DOCK3: variants seen among roughly 807,000 people sequenced by gnomAD.
DOCK3 encodes dedicator of cytokinesis protein 3.
Under a neutral mutation model 265.6 loss-of-function variants are expected in DOCK3, and 60 were observed. The observed-to-expected ratio is 0.23, with a 90% CI of 0.18 to 0.28. The LOEUF is 0.28. DOCK3 is among the 10% of genes least tolerant of loss of function. The pLI is 1.00. For missense variants in DOCK3, 1,981 were observed against 2,594.3 expected (o/e 0.76, Z 5.14); for synonymous variants, 881 against 938.0 (o/e 0.94, Z 1.11).
At chr3:51,178,016 A>G (rs920374756) in intron 12 of DOCK3, among the ~76,000 whole-genome samples, 3 of 111,758 alleles carry the variant, frequency 2.7e-5, no homozygotes, top group Non-Finnish European at 5.2e-5. Flanking sequence ...AACAAAAAAA[A>G]ACTCAAAATA....
At chr3:51,137,976 CT>C (rs1338718695) in intron 9 of DOCK3, among the ~76,000 whole-genome samples, 1 of 152,202 alleles carries the variant, frequency 6.6e-6, no homozygotes, top group African/African-American at 2.4e-5. Context: ...AATACGAGTA[CT>C]TGCTCTTGCT....
chr3:51,330,435 G>A (rs1171642136), intron 33 of DOCK3, among the ~76,000 whole-genome samples: 2 of 152,156 alleles, frequency 1.3e-5, no homozygotes, highest in African/African-American at 2.4e-5. Context: ...ATAGAAAACA[G>A]GTAATCTCTG....
At chr3:50,874,418 A>G (rs1166756136) in intron 3 of DOCK3, among the ~76,000 whole-genome samples, 1 of 151,722 alleles carries the variant, frequency 6.6e-6, no homozygotes, top group Non-Finnish European at 1.5e-5. Context: ...AAGCAGGAGG[A>G]TCCCTTGAGC....
intron 2 of DOCK3, among the ~76,000 whole-genome samples, chr3:50,805,489 T>C (rs1486760933): frequency 6.6e-6 from 1 of 152,124 alleles, no homozygotes; most frequent in Admixed American, 6.5e-5. Flanking sequence ...GGACATACCT[T>C]CCAGGAATGG....
intron 3 of DOCK3, among the ~76,000 whole-genome samples, chr3:50,872,297 G>A (rs1354350105): frequency 1.3e-5 from 2 of 152,192 alleles, no homozygotes; most frequent in Non-Finnish European, 2.9e-5. Flanking sequence ...ACTTGTAGAG[G>A]GACCACCTTG....
At chr3:51,001,636 GAT>G (rs2078487874) in intron 5 of DOCK3, among the ~76,000 whole-genome samples, 2 of 152,158 alleles carry the variant, frequency 1.3e-5, no homozygotes, top group African/African-American at 4.8e-5. Flanking sequence ...GTATTATGTA[GAT>G]ATATCTTTTT....
At chr3:51,020,637 A>G (rs1306486184) in intron 5 of DOCK3, among the ~76,000 whole-genome samples, 2 of 151,802 alleles carry the variant, frequency 1.3e-5, no homozygotes, top group Non-Finnish European at 2.9e-5. Context: ...ACCTTGCGTT[A>G]ATTTTTGTAT....
In DOCK3 at chr3:51,153,750, T is replaced by C. The variant is rs1560134555; in HGVS notation, c.829-5494T>C. Among the ~76,000 whole-genome samples the C allele has an allele frequency of 3.3e-5, 5 of 152,234 alleles. No individual in the cohort carries two copies. In the South Asian group the frequency reaches 6.2e-4, roughly 19 times the overall value. ...TAGAAAAGGTTTGGAAATCTGCTGATTGGAAAATACCAAACCTCACAATCC... is the reference window on the plus strand; with the variant it reads ...TAGAAAAGGTTTGGAAATCTGCTGACTGGAAAATACCAAACCTCACAATCC... On this transcript the variant is annotated intron_variant, in intron 10 of 52. Transcript: ENST00000266037.
intron 5 of DOCK3, among the ~76,000 whole-genome samples, chr3:51,016,618 T>C (rs1180388069): frequency 1.8e-5 from 1 of 54,390 alleles, no homozygotes; most frequent in Non-Finnish European, 3.1e-5. Flanking sequence ...ATTATATATT[T>C]ATATATATAA....
At chr3:50,955,500 G>A (rs1336664472) in intron 5 of DOCK3, among the ~76,000 whole-genome samples, 1 of 152,174 alleles carries the variant, frequency 6.6e-6, no homozygotes, top group East Asian at 1.9e-4. Context: ...ATACTATACA[G>A]CCATAAAAAA....
At chr3:51,093,739 T>C (rs60774727) in intron 9 of DOCK3, among the ~76,000 whole-genome samples, 1 of 152,192 alleles carries the variant, frequency 6.6e-6, no homozygotes, top group Non-Finnish European at 1.5e-5. Flanking sequence ...CATCCTTGTC[T>C]TGTGCCAGTT....
chr3:51,162,050 A>G (rs1230157502), intron 12 of DOCK3, among the ~76,000 whole-genome samples: 1 of 152,262 alleles, frequency 6.6e-6, no homozygotes, highest in Non-Finnish European at 1.5e-5. Context: ...TAGTGCTAAA[A>G]AAATGATCAG....
intron 21 of DOCK3, among the ~76,000 whole-genome samples, chr3:51,238,867 C>T (rs2078465799): frequency 6.6e-6 from 1 of 152,182 alleles, no homozygotes; most frequent in Admixed American, 6.5e-5. Flanking sequence ...CATTGATAGG[C>T]ATTTAGCTTG....
chr3:50,782,965 A>AT (rs34337890), intron 2 of DOCK3, among the ~76,000 whole-genome samples: 108 of 133,240 alleles, frequency 8.1e-4, no homozygotes, highest in East Asian at 2.0e-3. Context: ...GAATGCCATG[A>AT]TTTTTTTTTT....
intron 1 of DOCK3, among the ~76,000 whole-genome samples, chr3:50,744,181 A>G (rs2675802): frequency 0.91 from 137,784 of 152,200 alleles, 62,527 homozygotes; most frequent in African/African-American, 0.95. Flanking sequence ...ATATGAAAAC[A>G]TTATAAGACA....
intron 5 of DOCK3, among the ~76,000 whole-genome samples, chr3:50,951,023 GCTC>G (rs1006157321): frequency 1.8e-4 from 27 of 151,938 alleles, no homozygotes; most frequent in Non-Finnish European, 3.8e-4. Flanking sequence ...GCTTTTGAAA[GCTC>G]CTATTTCTTT....
chr3:50,921,006 A>G (rs2050424049), intron 4 of DOCK3, among the ~76,000 whole-genome samples: 1 of 152,106 alleles, frequency 6.6e-6, no homozygotes, highest in Non-Finnish European at 1.5e-5. Context: ...TTTGTTATGT[A>G]CCCAGTAGTC....
chr3:51,131,965 A>G (rs2084575197), intron 9 of DOCK3, among the ~76,000 whole-genome samples: 1 of 152,190 alleles, frequency 6.6e-6, no homozygotes, highest in Non-Finnish European at 1.5e-5. Context: ...GCATTGGTCA[A>G]GGGTATGTCT....
At chr3:50,888,339 C>T (rs1251498831) in intron 3 of DOCK3, among the ~76,000 whole-genome samples, 1 of 152,070 alleles carries the variant, frequency 6.6e-6, no homozygotes, top group Non-Finnish European at 1.5e-5. Context: ...AACTACAAAC[C>T]ACTGCTCAAG....
Sources: gnomAD v4.1 joint callset for allele counts (sites outside exome capture counted in the v4.1 genomes callset) on GRCh38, gnomAD v4.1.1 for gene constraint, MANE v1.5 for transcripts, NCBI Gene and HGNC (gene_info 2026-07-23, HGNC 2026-07-21) for gene names.